The following USP43 variants were observed in gnomAD, a reference collection of about 807,000 sequenced individuals.
USP43 encodes ubiquitin carboxyl-terminal hydrolase 43.
In USP43, 33 loss-of-function variants were observed where a neutral mutation model predicts 90.7. That is an observed-to-expected ratio of 0.36 (90% CI 0.28 to 0.49). The LOEUF is 0.49. Among genes scored for constraint, USP43 ranks in the 20% least tolerant of loss-of-function variants. USP43 has a pLI of 0.98. For synonymous variants in USP43, 598 were observed against 615.8 expected, an observed-to-expected ratio of 0.97 and a Z score of 0.43; for missense variants, 1,274 against 1,476.4, an observed-to-expected ratio of 0.86 and a Z score of 2.25.
chr17:9,695,012 G>T (rs550823773), intron 9 of USP43, among the ~76,000 whole-genome samples: 2 of 152,152 alleles, frequency 1.3e-5, no homozygotes, highest in African/African-American at 4.8e-5. Context: ...TTTGAGAAGC[G>T]CTAGAATTGA....
intron 5 of USP43, among the ~76,000 whole-genome samples, chr17:9,677,823 T>C (rs751929252): frequency 6.6e-6 from 1 of 152,168 alleles, no homozygotes; most frequent in Non-Finnish European, 1.5e-5. Context: ...TATCTGAAGA[T>C]TGTGGTTTGC....
rs957279026 is a variant in USP43 at position 9,711,163 on chromosome 17, C to T, written c.2171-805C>T. ...GTGCAAAGTGTAGGCATCCTTAATG[C>T]CCACTGTAAAAGATTTGGTTTCCCT... On this transcript the variant is annotated intron_variant, in intron 13 of 14. Coordinates refer to ENST00000285199, the MANE Select transcript of USP43 (RefSeq NM_153210.5). Among the ~76,000 whole-genome samples, 4 of 152,070 alleles carry T rather than the reference C, an allele frequency of 2.6e-5. No homozygotes were observed. In the East Asian group the frequency reaches 7.7e-4, roughly 29 times the overall value.
At chr17:9,677,483 G>C (rs2151973797) in intron 5 of USP43, among the ~76,000 whole-genome samples, 1 of 152,330 alleles carries the variant, frequency 6.6e-6, no homozygotes, top group South Asian at 2.1e-4. Flanking sequence ...AGAACATCTG[G>C]CGGAAGCTGG....
intron 7 of USP43, among the ~76,000 whole-genome samples, chr17:9,684,915 A>G (rs1212406829): frequency 6.6e-6 from 1 of 152,208 alleles, no homozygotes; most frequent in Non-Finnish European, 1.5e-5. Context: ...GGAATCAGGT[A>G]AATTGGTATG....
intron 12 of USP43, among the ~76,000 whole-genome samples, chr17:9,703,076 T>C (rs1219552694): frequency 6.6e-6 from 1 of 152,216 alleles, no homozygotes; most frequent in Non-Finnish European, 1.5e-5. Flanking sequence ...GGGACCATTC[T>C]GTCCAGCCAC....
At chr17:9,700,414 G>A (rs908999330) in intron 10 of USP43, among the ~76,000 whole-genome samples, 165 bp downstream of exon 10, 1 of 152,202 alleles carries the variant, frequency 6.6e-6, no homozygotes, top group Non-Finnish European at 1.5e-5. Context: ...TTTTCTGTAT[G>A]TAAATAACAG....
intron 2 of USP43, among the ~76,000 whole-genome samples, chr17:9,660,460 T>G (rs1219400390): frequency 6.6e-6 from 1 of 152,132 alleles, no homozygotes; most frequent in Non-Finnish European, 1.5e-5. Flanking sequence ...ATAATTCTTT[T>G]TAACAACTTC....
chr17:9,657,383 T>C (rs541111568), intron 2 of USP43, among the ~76,000 whole-genome samples: 6 of 152,042 alleles, frequency 3.9e-5, no homozygotes, highest in African/African-American at 1.4e-4. Flanking sequence ...GGCATGCTCC[T>C]GTAATCTCAG....
chr17:9,690,755 G>T (rs1413551408), intron 8 of USP43, among the ~76,000 whole-genome samples: 1 of 151,988 alleles, frequency 6.6e-6, no homozygotes, highest in Non-Finnish European at 1.5e-5. Context: ...TGTGGTGGCA[G>T]GTGCCTGTAA....
chr17:9,711,838 T>A, intron 13 of USP43, 130 bp from the exon 14 acceptor site: 1 of 1,079,716 alleles, frequency 9.3e-7, no homozygotes, highest in African/African-American at 1.6e-5. Flanking sequence ...GTTTCTGCAG[T>A]TCTGTTCTGG....
rs770723509 is a variant in USP43, at chr17:9,716,267, G to A, written c.2335+4135G>A. Among the ~76,000 whole-genome samples, 88 of 151,972 alleles carry A rather than the reference G, an allele frequency of 5.8e-4. 2 individuals carry two copies. Among genetic ancestry groups the A allele is most frequent in the Non-Finnish European group, 1.0e-3 (69 of 67,986 alleles). On this transcript the variant is annotated intron_variant, in intron 14 of 14. Transcript: ENST00000285199. ...GAAATATTATATATACTTGTGATTA[G>A]TATACTTTACATATTGCATACAATT...
chr17:9,648,825 T>C (rs528907750), intron 1 of USP43, among the ~76,000 whole-genome samples: 1 of 151,042 alleles, frequency 6.6e-6, no homozygotes, highest in South Asian at 2.1e-4. Flanking sequence ...TCTTAAGGAG[T>C]CTTGTCTTTT....
chr17:9,658,394 A>G (rs939992982), intron 2 of USP43, among the ~76,000 whole-genome samples: 1 of 152,178 alleles, frequency 6.6e-6, no homozygotes, highest in Non-Finnish European at 1.5e-5. Flanking sequence ...ATAACTATAT[A>G]TGGTCCATGT....
At chr17:9,675,101 T>A in intron 4 of USP43, 118 bp downstream of exon 4, 1 of 864,516 alleles carries the variant, frequency 1.2e-6, no homozygotes, top group Non-Finnish European at 1.9e-6. Context: ...AGCATTTCTC[T>A]GGAAACCAGC....
At chr17:9,699,789 A>G (rs927512166) in intron 9 of USP43, among the ~76,000 whole-genome samples, 3 of 152,114 alleles carry the variant, frequency 2.0e-5, no homozygotes, top group African/African-American at 7.2e-5. Flanking sequence ...AGTTGGGGGA[A>G]AGGTAGCAGC....
At chr17:9,720,758 G>C (rs1158638620) in intron 14 of USP43, among the ~76,000 whole-genome samples, 1 of 152,190 alleles carries the variant, frequency 6.6e-6, no homozygotes, top group Non-Finnish European at 1.5e-5. Flanking sequence ...ACAGTGCTGG[G>C]ATTACAGGTG....
intron 12 of USP43, among the ~76,000 whole-genome samples, chr17:9,704,052 G>T (rs895633900): frequency 6.6e-6 from 1 of 152,294 alleles, no homozygotes; most frequent in East Asian, 1.9e-4. Flanking sequence ...ATGTTGCTCC[G>T]TGTGGAATGG....
chr17:9,715,411 C>G (rs1916444659), intron 14 of USP43, among the ~76,000 whole-genome samples: 2 of 152,152 alleles, frequency 1.3e-5, no homozygotes, highest in African/African-American at 4.8e-5. Flanking sequence ...TGTGAGCACA[C>G]CACTGCACTC....
chr17:9,646,383 G>T (rs1365938661), intron 1 of USP43, among the ~76,000 whole-genome samples: 1 of 152,172 alleles, frequency 6.6e-6, no homozygotes, highest in East Asian at 1.9e-4. Flanking sequence ...AGGGTAATCA[G>T]CGTTTTTGGA....
Sources: gnomAD v4.1 joint callset for allele counts (sites outside exome capture counted in the v4.1 genomes callset) on GRCh38, gnomAD v4.1.1 for gene constraint, MANE v1.5 for transcripts, NCBI Gene and HGNC (gene_info 2026-07-23, HGNC 2026-07-21) for gene names.